XRCC5: variants seen among roughly 807,000 people sequenced by gnomAD.
XRCC5 encodes the protein DNA repair protein Ku80.
A neutral mutation model predicts 95.7 loss-of-function variants in XRCC5; 12 were observed. The observed-to-expected ratio is 0.13, with a 90% CI of 0.08 to 0.20. The LOEUF is 0.20. Among genes scored for constraint, XRCC5 ranks in the 10% least tolerant of loss-of-function variants. XRCC5 has a pLI of 1.00. For synonymous variants in XRCC5, 281 were observed against 290.3 expected, an observed-to-expected ratio of 0.97 and a Z score of 0.33; for missense variants, 595 against 873.9, an observed-to-expected ratio of 0.68 and a Z score of 4.02.
At chr2:216,147,866 G>T (rs1019130616) in intron 13 of XRCC5, among the ~76,000 whole-genome samples, 4 of 152,186 alleles carry the variant, frequency 2.6e-5, no homozygotes, top group African/African-American at 9.7e-5. Flanking sequence ...AGAAGATACT[G>T]TTGCTAGGCT....
At chr2:216,192,091 C>T (rs1258149029) in intron 17 of XRCC5, among the ~76,000 whole-genome samples, 6 of 152,230 alleles carry the variant, frequency 3.9e-5, no homozygotes, top group African/African-American at 9.6e-5. Context: ...CTCCGCCTCC[C>T]GGGTTCAAGC....
intron 16 of XRCC5, among the ~76,000 whole-genome samples, chr2:216,178,069 G>T (rs1173636425): frequency 6.6e-6 from 1 of 152,070 alleles, no homozygotes; most frequent in Non-Finnish European, 1.5e-5. Flanking sequence ...CAAAGTATGT[G>T]GTTCAGAAGG....
At chr2:216,194,798 C>G in intron 18 of XRCC5, 121 bp from the exon 19 acceptor site, 1 of 921,564 alleles carries the variant, frequency 1.1e-6, no homozygotes, top group Non-Finnish European at 1.7e-6. Context: ...TAGTGGGACC[C>G]TGTCTCTATT....
intron 14 of XRCC5, among the ~76,000 whole-genome samples, chr2:216,153,859 C>T (rs1688794307): frequency 6.6e-6 from 1 of 152,168 alleles, no homozygotes; most frequent in Non-Finnish European, 1.5e-5. Flanking sequence ...ATTTCTATCC[C>T]ATCAACTAAA....
At chr2:216,162,407 CTT>C (rs200680768) in intron 16 of XRCC5, among the ~76,000 whole-genome samples, 4 of 146,058 alleles carry the variant, frequency 2.7e-5, no homozygotes, top group Non-Finnish European at 3.0e-5. Flanking sequence ...CCTTTTTTTT[CTT>C]TTTTTTTTTG....
At chr2:216,179,394 C>T (rs1022387714) in intron 16 of XRCC5, among the ~76,000 whole-genome samples, 4 of 151,882 alleles carry the variant, frequency 2.6e-5, no homozygotes, top group Non-Finnish European at 5.9e-5. Context: ...AGTAAGGTCA[C>T]GTTGTGAGGT....
intron 19 of XRCC5, among the ~76,000 whole-genome samples, chr2:216,201,224 G>A (rs1393643198): frequency 6.6e-6 from 1 of 152,164 alleles, no homozygotes; most frequent in Non-Finnish European, 1.5e-5. Context: ...GCTACAAGTG[G>A]CATTAATGAA....
At chr2:216,203,848 C>CTTTTTTTTTT (rs56250537) in intron 19 of XRCC5, among the ~76,000 whole-genome samples, 1 of 118,796 alleles carries the variant, frequency 8.4e-6, no homozygotes, top group Non-Finnish European at 1.7e-5. Flanking sequence ...TTATTCTAAG[C>CTTTTTTTTTT]TTTTTTTTTT....
intron 18 of XRCC5, among the ~76,000 whole-genome samples, chr2:216,192,996 A>C (rs78155049): frequency 7.8e-4 from 119 of 152,232 alleles, no homozygotes; most frequent in African/African-American, 2.8e-3. Flanking sequence ...AGCATGACCT[A>C]TTTCATGGCT....
intron 2 of XRCC5, 66 bp from the exon 3 acceptor site, chr2:216,116,593 G>A (rs1696702254): frequency 1.3e-6 from 2 of 1,592,346 alleles, no homozygotes; most frequent in Non-Finnish European, 1.7e-6. Flanking sequence ...CTCCCTGAAG[G>A]TTAGGTATTT....
chr2:216,124,669 G>A (rs1040458823), intron 6 of XRCC5, among the ~76,000 whole-genome samples: 5 of 152,136 alleles, frequency 3.3e-5, no homozygotes, highest in African/African-American at 9.7e-5. Flanking sequence ...AGTCTCTTGC[G>A]ACCTGTCTGT....
At chr2:216,143,016 C>T (rs1425659670) in intron 13 of XRCC5, among the ~76,000 whole-genome samples, 1 of 152,156 alleles carries the variant, frequency 6.6e-6, no homozygotes, top group East Asian at 1.9e-4. Context: ...CATAGCTTAG[C>T]CTCACCTACT....
At chr2:216,123,938 A>G (rs1696862700) in intron 6 of XRCC5, among the ~76,000 whole-genome samples, 1 of 152,230 alleles carries the variant, frequency 6.6e-6, no homozygotes. Flanking sequence ...TTTCGACGCT[A>G]CTTTGATTTT....
intron 13 of XRCC5, among the ~76,000 whole-genome samples, chr2:216,143,710 T>A (rs1433637310): frequency 6.6e-6 from 1 of 151,918 alleles, no homozygotes; most frequent in Non-Finnish European, 1.5e-5. Context: ...GCTTTTTTTT[T>A]TTTTATTTTT....
chr2:216,167,320 A>G (rs1177416373), intron 16 of XRCC5, among the ~76,000 whole-genome samples: 1 of 152,100 alleles, frequency 6.6e-6, no homozygotes, highest in African/African-American at 2.4e-5. Context: ...TTTTTAAAAG[A>G]TATTTCCTAA....
At chr2:216,117,878 C>T in intron 4 of XRCC5, 84 bp downstream of exon 4, 1 of 1,347,238 alleles carries the variant, frequency 7.4e-7, no homozygotes, top group South Asian at 1.2e-5. Context: ...TTTTGTGATT[C>T]ATTGTTAATC....
chr2:216,130,850 C>G lies in XRCC5; in HGVS notation c.938-25C>G, dbSNP rs754122357. 1.9e-6 allele frequency: 3 copies of G among 1,541,428 alleles called. No individual in the cohort carries two copies. The South Asian group carries it at 3.5e-5, about 18-fold the overall frequency. ...AGAAAATGAGGCCCCATATGCTTAA[C>G]AGATGCTCTTCTCTTTTTCTCCAGG... On this transcript the variant is annotated intron_variant, in intron 8 of 20. Transcript: ENST00000392132.
rs1318629341 is a variant in XRCC5 at position 216,145,407 on chromosome 2, A to G, written c.1477-2676A>G. ...AACCACTTTTTAAATAATTGATACA[A>G]TGGTGCTAAAATCAGTATATTGGTA... On this transcript the variant is annotated intron_variant, in intron 13 of 20. Coordinates refer to ENST00000392132, the MANE Select transcript of XRCC5 (RefSeq NM_021141.4). 3.3e-5 allele frequency among the ~76,000 whole-genome samples: 5 copies of G among 152,246 alleles called. No homozygotes were observed. The South Asian group carries it at 6.2e-4, about 19-fold the overall frequency.
chr2:216,192,524 T>G (rs1689633294), intron 17 of XRCC5, 115 bp from the exon 18 acceptor site: 5 of 576,982 alleles, frequency 8.7e-6, no homozygotes, highest in Non-Finnish European at 1.4e-5. Flanking sequence ...GAAGAACATT[T>G]TATTTTTTTG....
Sources: gnomAD v4.1 joint callset for allele counts (sites outside exome capture counted in the v4.1 genomes callset) on GRCh38, gnomAD v4.1.1 for gene constraint, MANE v1.5 for transcripts, NCBI Gene and HGNC (gene_info 2026-07-23, HGNC 2026-07-21) for gene names.